TRIM62: variants seen among roughly 807,000 people sequenced by gnomAD.
The protein encoded by TRIM62 is E3 ubiquitin-protein ligase TRIM62.
A neutral mutation model predicts 44.2 loss-of-function variants in TRIM62; 39 were observed. That is an observed-to-expected ratio of 0.88 (90% CI 0.68 to 1.15). The LOEUF (loss-of-function observed/expected upper bound fraction) is 1.15. Ranked by LOEUF, TRIM62 falls within the 50% of genes most tolerant of loss-of-function variation. The pLI, the probability that TRIM62 is intolerant of heterozygous loss-of-function variation, is 0.00. For synonymous variants in TRIM62, 278 were observed against 292.3 expected (o/e 0.95, Z 0.50); for missense variants, 544 against 665.5 (o/e 0.82, Z 2.01).
intron 4 of TRIM62, among the ~76,000 whole-genome samples, chr1:33,157,909 A>G (rs2927966): frequency 0.13 from 19,753 of 152,074 alleles, 1,569 homozygotes; most frequent in Non-Finnish European, 0.18. Context: ...GGTGCACGCC[A>G]CCATGCCCAG....
chr1:33,162,799 G>T (rs1645287116), intron 2 of TRIM62: 2 of 152,380 alleles, frequency 1.3e-5, no homozygotes, highest in Non-Finnish European at 2.9e-5. Context: ...TACCTGGCTT[G>T]CTGACTACAA....
At position 33,147,801 on chromosome 1, in the gene TRIM62, G is replaced by A; in HGVS notation, c.878-74C>T. 7.9e-6 allele frequency: 12 copies of A among 1,525,802 alleles called. No individual in the cohort carries two copies. The highest frequency in any genetic ancestry group is 9.8e-6 in the Non-Finnish European group (11 of 1,127,936). The allele number at this position is 1,525,802 out of a possible 1,614,324, so 94.5% of individuals were successfully genotyped here. On this transcript the variant is annotated intron_variant, in intron 4 of 4. Transcript: ENST00000291416. This position sits in a 1 kb window ranked among gnomAD's most constrained non-coding sequence, Gnocchi z 8.1. ...GACCCACCATGCAGTGCCTTCCTGA[G>A]GGCAGAGTTCTGGTTGGTACGCAGG...
chr1:33,180,169 A>G (rs1000671492), intron 1 of TRIM62, among the ~76,000 whole-genome samples: 1 of 152,140 alleles, frequency 6.6e-6, no homozygotes, highest in African/African-American at 2.4e-5. Context: ...GTACCGTTTC[A>G]CTTAGTCTTC....
chr1:33,170,899 CTCACAGGGCA>C (rs1023590377), intron 1 of TRIM62, among the ~76,000 whole-genome samples: 2 of 152,178 alleles, frequency 1.3e-5, no homozygotes, highest in African/African-American at 4.8e-5. Flanking sequence ...AGTGTTCAGC[CTCACAGGGCA>C]CAGAGCCTGG....
intron 4 of TRIM62, among the ~76,000 whole-genome samples, chr1:33,154,933 A>T (rs1426347421): frequency 6.6e-6 from 1 of 151,452 alleles, no homozygotes; most frequent in Admixed American, 6.6e-5. Flanking sequence ...CTCTACTAAA[A>T]ATACAAAAAA....
At position 33,145,930 on chromosome 1, in the gene TRIM62, A is replaced by C; in HGVS notation, c.*1247T>G. On this transcript the variant is annotated 3_prime_UTR_variant, in exon 5 of 5. Coordinates refer to ENST00000291416, the MANE Select transcript of TRIM62 (RefSeq NM_018207.3). ...ATCTGACTTAAGTTCCCCCAAACAG[A>C]ATCTCTTGTAAAAATTTAGATTTGG... 2.1e-6 allele frequency: 1 copy of C among 470,934 alleles called. No individual in the cohort carries two copies. The allele number at this position is 470,934 out of a possible 1,614,324, so 29.2% of individuals were successfully genotyped here. A position where few individuals can be genotyped will look rare whatever the true frequency, so the allele number is the denominator to read the frequency against.
chr1:33,154,478 T>C (rs550006815), intron 4 of TRIM62, among the ~76,000 whole-genome samples: 1 of 152,204 alleles, frequency 6.6e-6, no homozygotes, highest in East Asian at 1.9e-4. Context: ...GAACCATCTT[T>C]AGATCTTTTT....
At chr1:33,170,275 G>A (rs530222107) in intron 1 of TRIM62, among the ~76,000 whole-genome samples, 1 of 151,272 alleles carries the variant, frequency 6.6e-6, no homozygotes, top group East Asian at 1.9e-4. Context: ...AGTGAGCCAA[G>A]ATCGTGCCAC....
Position 33,167,929 on chromosome 1 carries a change from G to T in TRIM62, c.409-2363C>A, listed in dbSNP as rs766088085. On this transcript the variant is annotated intron_variant, in intron 1 of 4. Coordinates refer to ENST00000291416, the MANE Select transcript of TRIM62 (RefSeq NM_018207.3). This position sits in a 1 kb window ranked among gnomAD's most constrained non-coding sequence, Gnocchi z 4.2. ...GTACCAGGCACTGTTGAGGCACTGGGATTATGGCGAAGGACAAGACAGACA... is the reference window on the plus strand; with the variant it reads ...GTACCAGGCACTGTTGAGGCACTGGTATTATGGCGAAGGACAAGACAGACA... 6.6e-6 allele frequency among the ~76,000 whole-genome samples: 1 copy of T among 152,234 alleles called. No homozygotes were observed. The highest frequency in any genetic ancestry group is 1.5e-5 in the Non-Finnish European group (1 of 68,044).
Position 33,147,147 on chromosome 1 carries a change from C to G in TRIM62, c.*30G>C, listed in dbSNP as rs1450069756. 3 of 1,602,770 alleles carry G rather than the reference C, an allele frequency of 1.9e-6. No individual in the cohort carries two copies. The African/African-American group carries it at 4.0e-5, about 21-fold the overall frequency. ...AGGGCTCTTGCAGGTGGCAGTGGTC[C>G]CAGGAGGTTGTGGTCTCCTTCTGCC... On this transcript the variant is annotated 3_prime_UTR_variant, in exon 5 of 5. Transcript: ENST00000291416. This position sits in a 1 kb window ranked among gnomAD's most constrained non-coding sequence, Gnocchi z 8.1.
At chr1:33,160,935 C>A (rs1340861735) in intron 2 of TRIM62, among the ~76,000 whole-genome samples, 1 of 152,172 alleles carries the variant, frequency 6.6e-6, no homozygotes, top group Non-Finnish European at 1.5e-5. Context: ...TTCTCTGCCC[C>A]CAAGGGCACT....
intron 4 of TRIM62, among the ~76,000 whole-genome samples, chr1:33,156,121 C>T (rs1432736216): frequency 6.6e-6 from 1 of 152,222 alleles, no homozygotes; most frequent in Non-Finnish European, 1.5e-5. Flanking sequence ...AGATCGCAGT[C>T]AAGGCTGGGC....
chr1:33,181,172 G>T lies in TRIM62; in HGVS notation c.261C>A (p.Arg87=). Residue 87 remains arginine, a synonymous_variant, in exon 1 of 5, where the codon CGC becomes CGA. Coordinates refer to ENST00000291416, the MANE Select transcript of TRIM62 (RefSeq NM_018207.3). The surrounding 1 kb of genome is among the most constrained non-coding windows in gnomAD (Gnocchi z 6.5). ...SFPLDAILNA[R]RAARPCQAHD... ...GCGCCTGGCAGGGTCGCGCGGCGCG[G>T]CGCGCGTTGAGGATGGCGTCCAGCG... 6.3e-7 allele frequency: 1 copy of T among 1,596,752 alleles called. No homozygotes were observed.
intron 4 of TRIM62, among the ~76,000 whole-genome samples, chr1:33,154,526 G>A (rs1437605774): frequency 5.3e-5 from 8 of 151,990 alleles, no homozygotes; most frequent in Non-Finnish European, 8.8e-5. Flanking sequence ...GAGGCTGGGC[G>A]CGGTGGCTCA....
chr1:33,181,624 CTCCGTG>C lies in TRIM62; in HGVS notation c.-198_-193del. 9.3e-7 allele frequency: 1 copy of C among 1,072,434 alleles called. No homozygotes were observed. Among genetic ancestry groups the C allele is most frequent in the Non-Finnish European group, 1.3e-6 (1 of 783,440 alleles). The allele number at this position is 1,072,434 out of a possible 1,614,324, so 66.4% of individuals were successfully genotyped here. A position where few individuals can be genotyped will look rare whatever the true frequency, so the allele number is the denominator to read the frequency against. On this transcript the variant is annotated 5_prime_UTR_variant, in exon 1 of 5. Transcript: ENST00000291416. This position sits in a 1 kb window ranked among gnomAD's most constrained non-coding sequence, Gnocchi z 6.5. ...GCGAGGAAGGGGTGCGCGGCTGAGA[CTCCGTG>C]GGACGCCAGCCCGGGAGGGCAGTCT...
rs567480241 is a variant in TRIM62 at position 33,160,700 on chromosome 1, C to T, written c.505-756G>A. Among the ~76,000 whole-genome samples, 8 of 152,220 alleles carry T rather than the reference C, an allele frequency of 5.3e-5. No homozygotes were observed. The East Asian group carries it at 5.8e-4, about 11-fold the overall frequency. On this transcript the variant is annotated intron_variant, in intron 2 of 4. Coordinates refer to ENST00000291416, the MANE Select transcript of TRIM62 (RefSeq NM_018207.3). The stretch of plus-strand genomic sequence containing the variant: ...GATTACAGGCGTGAGCCATCGTGCC[C>T]GGCTGAAGTCTTTATTTTAAAAAAA...
Position 33,174,999 on chromosome 1 carries a change from A to ATATT in TRIM62, c.408+6025_408+6026insAATA, listed in dbSNP as rs1491326325. On this transcript the variant is annotated intron_variant, in intron 1 of 4. Transcript: ENST00000291416. ...CATATACATATATATGCACACACAC[A>ATATT]TGTATGTATATGTATATGTATATGT... Among the ~76,000 whole-genome samples, 165 of 39,610 alleles carry ATATT rather than the reference A, an allele frequency of 4.2e-3. 2 individuals carry two copies. Among genetic ancestry groups the ATATT allele is most frequent in the Non-Finnish European group, 7.1e-3 (143 of 20,086 alleles). The allele number at this position is 39,610 out of a possible 152,430, so 26.0% of individuals were successfully genotyped here.
At chr1:33,160,121 T>C (rs1645244386) in intron 2 of TRIM62, among the ~76,000 whole-genome samples, 177 bp from the exon 3 acceptor site, 1 of 152,096 alleles carries the variant, frequency 6.6e-6, no homozygotes, top group Non-Finnish European at 1.5e-5. Flanking sequence ...GCATGTTCTA[T>C]GTGGTCCATT....
At position 33,147,562 on chromosome 1, in the gene TRIM62, C is replaced by T. The variant is rs2335238; in HGVS notation, c.1043G>A (p.Ser348Asn). ...CACCACCTCCCAGTAGTGGACGCCA[C>T]TACTGAAGGCTTCAGAACCCAGCAC... ...VSVLGSEAFS[S>N]GVHYWEVVVA... The change falls in exon 5 of 5, where the codon AGT (serine) becomes AAT (asparagine). Residue 348 changes from serine to asparagine, a missense_variant. Physicochemically the swap from Ser to Asn is conservative, Grantham distance 46 (BLOSUM62 1). Transcript: ENST00000291416. This position sits in a 1 kb window ranked among gnomAD's most constrained non-coding sequence, Gnocchi z 8.1. 6.2e-7 allele frequency: 1 copy of T among 1,614,102 alleles called. No individual in the cohort carries two copies. Among genetic ancestry groups the T allele is most frequent in the Admixed American group, 1.7e-5 (1 of 60,030 alleles).
Sources: gnomAD v4.1 joint callset for allele counts (sites outside exome capture counted in the v4.1 genomes callset) on GRCh38, gnomAD v4.1.1 for gene constraint, Gnocchi (gnomAD v3.1) non-coding constraint, MANE v1.5 for transcripts, NCBI Gene and HGNC (gene_info 2026-07-23, HGNC 2026-07-21) for gene names.